Variants in FAM83F observed in about 807,000 individuals in gnomAD.
FAM83F encodes the protein protein FAM83F.
A neutral mutation model predicts 42.9 loss-of-function variants in FAM83F; 45 were observed. That is an observed-to-expected ratio of 1.05 (90% CI 0.83 to 1.35). The LOEUF is 1.35. Ranked by LOEUF, FAM83F falls within the 40% of genes most tolerant of loss-of-function variation. The pLI, the probability that FAM83F is intolerant of heterozygous loss-of-function variation, is 0.00. For synonymous variants in FAM83F, 306 were observed against 298.3 expected (o/e 1.03, Z -0.27); for missense variants, 617 against 695.9 (o/e 0.89, Z 1.28).
chr22:40,034,768 C>T lies in FAM83F; in HGVS notation c.*5203C>T, dbSNP rs1283543881. On this transcript the variant is annotated 3_prime_UTR_variant, in exon 5 of 5. Transcript: ENST00000333407. ...AGAGGTTCTAGAATTGATCATGACC[C>T]TTTCTGTCTCATTCCTGACTTCTAA... 3.3e-5 allele frequency: 5 copies of T among 152,228 alleles called. No individual in the cohort carries two copies. Among genetic ancestry groups the T allele is most frequent in the Admixed American group, 6.5e-5 (1 of 15,282 alleles). 9.4% of individuals were successfully genotyped at this position (152,228 alleles called of 1,614,324 possible).
At chr22:39,999,627 G>A (rs1251698593) in intron 1 of FAM83F, among the ~76,000 whole-genome samples, 1 of 152,218 alleles carries the variant, frequency 6.6e-6, no homozygotes, top group East Asian at 1.9e-4. Flanking sequence ...ACCAGGACAA[G>A]GAGGTTACAC....
chr22:40,001,772 C>G (rs1393760262), intron 1 of FAM83F, among the ~76,000 whole-genome samples: 1 of 152,200 alleles, frequency 6.6e-6, no homozygotes, highest in Admixed American at 6.5e-5. Flanking sequence ...TAGAAAGTAA[C>G]TGCTGTCATC....
chr22:40,011,429 C>T (rs547242956), intron 1 of FAM83F, among the ~76,000 whole-genome samples: 2 of 152,252 alleles, frequency 1.3e-5, no homozygotes, highest in East Asian at 1.9e-4. Flanking sequence ...GTGATCCGCC[C>T]GCCTCGGCCT....
chr22:39,998,848 C>T (rs2067383588), intron 1 of FAM83F: 1 of 152,316 alleles, frequency 6.6e-6, no homozygotes, highest in African/African-American at 2.4e-5. Flanking sequence ...CTATGCTACG[C>T]TAACAAAGAA....
At chr22:40,001,688 A>G (rs2067402598) in intron 1 of FAM83F, among the ~76,000 whole-genome samples, 1 of 152,104 alleles carries the variant, frequency 6.6e-6, no homozygotes, top group African/African-American at 2.4e-5. Flanking sequence ...ACCCAAAAAG[A>G]TAAGAAAAAC....
chr22:40,019,875 T>C lies in FAM83F; in HGVS notation c.658-12T>C. 1 of 1,603,420 alleles carries C rather than the reference T, an allele frequency of 6.2e-7. No homozygotes were observed. Among genetic ancestry groups the C allele is most frequent in the Non-Finnish European group, 8.5e-7 (1 of 1,175,336 alleles). On this transcript the variant is annotated splice_polypyrimidine_tract_variant and intron_variant, in intron 2 of 4. Transcript: ENST00000333407. ...CAACCCAGGTGACAGGGCCTTCTGC[T>C]CTTCCCAACAGAACATCCGTGTCCG... is the stretch of plus-strand genomic sequence containing the variant.
At chr22:40,022,136 G>A (rs866686028) in intron 4 of FAM83F, among the ~76,000 whole-genome samples, 173 bp downstream of exon 4, 11 of 152,300 alleles carry the variant, frequency 7.2e-5, no homozygotes, top group Middle Eastern at 3.4e-3. Flanking sequence ...TTCTGGCCCC[G>A]GCCATTAGCT....
At position 40,023,548 on chromosome 22, in the gene FAM83F, G is replaced by T. The variant is rs1381463433; in HGVS notation, c.1453+1585G>T. On this transcript the variant is annotated intron_variant, in intron 4 of 4. Transcript: ENST00000333407. The surrounding 1 kb of genome is among the most constrained non-coding windows in gnomAD (Gnocchi z 4.1). ...AAGCTTTCTCTTCCTTCAGCCCCTCGCCCTGAGATGCAGTTTCCATGGAAA... is the reference window on the plus strand; with the variant it reads ...AAGCTTTCTCTTCCTTCAGCCCCTCTCCCTGAGATGCAGTTTCCATGGAAA... Among the ~76,000 whole-genome samples, 1 of 152,030 alleles carries T rather than the reference G, an allele frequency of 6.6e-6. No individual in the cohort carries two copies. The highest frequency in any genetic ancestry group is 1.5e-5 in the Non-Finnish European group (1 of 67,986).
At chr22:40,020,221 G>A (rs7286325) in intron 3 of FAM83F, among the ~76,000 whole-genome samples, 10,090 of 152,068 alleles carry the variant, frequency 0.066, 1,121 homozygotes, top group African/African-American at 0.23. Context: ...TAGGCATTAC[G>A]CACTGTCTGT....
At chr22:40,029,411 G>T in intron 4 of FAM83F, 105 bp from the exon 5 acceptor site, 1 of 1,443,886 alleles carries the variant, frequency 6.9e-7, no homozygotes, top group Non-Finnish European at 9.3e-7. Context: ...AGTGACCCCA[G>T]CCCCTCAACT....
chr22:39,995,540 C>A lies in FAM83F; in HGVS notation c.489+9C>A. On this transcript the variant is annotated intron_variant, in intron 1 of 4. Transcript: ENST00000333407. This position sits in a 1 kb window ranked among gnomAD's most constrained non-coding sequence, Gnocchi z 4.6. ...TCCAACAGGCCCAGAAGGTAGGCCC[C>A]CGCCTTCGCCCCCACACCGCTGGGA... The A allele has an allele frequency of 6.5e-7, 1 of 1,543,634 alleles. No individual in the cohort carries two copies. Among genetic ancestry groups the A allele is most frequent in the East Asian group, 2.4e-5 (1 of 41,204 alleles).
chr22:40,005,987 G>T (rs2067425976), intron 1 of FAM83F, among the ~76,000 whole-genome samples: 1 of 152,152 alleles, frequency 6.6e-6, no homozygotes, highest in Admixed American at 6.5e-5. Flanking sequence ...CGCCTGTAAT[G>T]CCAGCACTGT....
chr22:39,995,177 C>T lies in FAM83F; in HGVS notation c.135C>T (p.Ala45=), dbSNP rs1350608139. ...CGCTGCTGGGCGGCGGCGAGCAGGC[C>T]TACCGCGAGCGGCTCAAGGAGGAGC... ...LEALLGGGEQ[A]YRERLKEEQL... The change falls in exon 1 of 5, where the codon GCC becomes GCT. Residue 45 remains alanine, a synonymous_variant. Transcript: ENST00000333407. The surrounding 1 kb of genome is among the most constrained non-coding windows in gnomAD (Gnocchi z 4.6). 6.7e-7 allele frequency: 1 copy of T among 1,481,586 alleles called. No individual in the cohort carries two copies. The highest frequency in any genetic ancestry group is 8.9e-7 in the Non-Finnish European group (1 of 1,125,776). The allele number at this position is 1,481,586 out of a possible 1,614,324, so 91.8% of individuals were successfully genotyped here. A position where few individuals can be genotyped will look rare whatever the true frequency, so the allele number is the denominator to read the frequency against.
rs2067370568 is a variant in FAM83F, at chr22:39,995,597, C to T, written c.489+66C>T. Reference sequence around the variant, plus strand: ...CCCCAGTCCCCTGGACCGGGCCCCACCTCCCAGGCAGGGCCCGGGGCAGGC... The same window carrying T: ...CCCCAGTCCCCTGGACCGGGCCCCATCTCCCAGGCAGGGCCCGGGGCAGGC... On this transcript the variant is annotated intron_variant, in intron 1 of 4. Coordinates refer to ENST00000333407, the MANE Select transcript of FAM83F (RefSeq NM_138435.4). The surrounding 1 kb of genome is among the most constrained non-coding windows in gnomAD (Gnocchi z 4.6). The T allele has an allele frequency of 6.8e-7, 1 of 1,460,036 alleles. No homozygotes were observed. The highest frequency in any genetic ancestry group is 2.6e-5 in the Admixed American group (1 of 39,076). 90.4% of individuals were successfully genotyped at this position (1,460,036 alleles called of 1,614,324 possible). A position where few individuals can be genotyped will look rare whatever the true frequency, so the allele number is the denominator to read the frequency against.
chr22:40,029,132 T>A (rs866299604), intron 4 of FAM83F, among the ~76,000 whole-genome samples: 52 of 124,618 alleles, frequency 4.2e-4, no homozygotes, highest in Middle Eastern at 4.5e-3. Context: ...TGTGTGTGTG[T>A]GAAAGCAAGT....
chr22:40,027,500 G>A (rs1018092580), intron 4 of FAM83F, among the ~76,000 whole-genome samples: 1 of 152,132 alleles, frequency 6.6e-6, no homozygotes, highest in Non-Finnish European at 1.5e-5. Context: ...CGTCACCTCT[G>A]AAGCTCCCAG....
Position 40,040,416 on chromosome 22 carries a change from T to G in FAM83F, c.*10851T>G, listed in dbSNP as rs1038291870. 1.3e-5 allele frequency: 2 copies of G among 152,222 alleles called. No homozygotes were observed. The highest frequency in any genetic ancestry group is 2.4e-5 in the African/African-American group (1 of 41,454). The allele number at this position is 152,222 out of a possible 1,614,324, so 9.4% of individuals were successfully genotyped here. A position where few individuals can be genotyped will look rare whatever the true frequency, so the allele number is the denominator to read the frequency against. On this transcript the variant is annotated 3_prime_UTR_variant, in exon 5 of 5. Transcript: ENST00000333407. ...TCCACGTAAAGCCCTCAGTACAGTG[T>G]ATGACACACAGCAAGTGTCCACCAA...
At chr22:39,998,256 CGGG>C (rs979767800) in intron 1 of FAM83F, among the ~76,000 whole-genome samples, 13 of 152,140 alleles carry the variant, frequency 8.5e-5, no homozygotes, top group African/African-American at 2.7e-4. Flanking sequence ...TGCAGGGACA[CGGG>C]GGAACTGCCG....
intron 1 of FAM83F, among the ~76,000 whole-genome samples, chr22:40,001,642 A>G (rs936691379): frequency 1.3e-5 from 2 of 152,116 alleles, no homozygotes; most frequent in East Asian, 1.9e-4. Context: ...GTGAAACTCT[A>G]TCTCAAAATA....
Sources: gnomAD v4.1 joint callset for allele counts (sites outside exome capture counted in the v4.1 genomes callset) on GRCh38, gnomAD v4.1.1 for gene constraint, Gnocchi (gnomAD v3.1) non-coding constraint, MANE v1.5 for transcripts, NCBI Gene and HGNC (gene_info 2026-07-23, HGNC 2026-07-21) for gene names.